Variants in MYH7 observed in about 807,000 individuals in gnomAD.
The protein encoded by MYH7 is myosin heavy chain 7.
A neutral mutation model predicts 225.4 loss-of-function variants in MYH7; 129 were observed. That is an observed-to-expected ratio of 0.57 (90% confidence interval 0.50 to 0.66). The LOEUF is 0.66. Among genes scored for constraint, MYH7 ranks in the 30% least tolerant of loss-of-function variants. The probability of loss-of-function intolerance (pLI) is 0.00; values close to 1 mark genes in which losing one functional copy is unlikely to be tolerated. For synonymous variants in MYH7, 971 were observed against 1,007.6 expected (o/e 0.96, Z 0.69); for missense variants, 1,649 against 2,517.0 (o/e 0.66, Z 7.38).
At chr14:23,435,533 G>T (rs1346619930) in intron 1 of MYH7, 87 bp downstream of exon 1, 1 of 152,252 alleles carries the variant, frequency 6.6e-6, no homozygotes, top group Non-Finnish European at 1.5e-5. Context: ...ATGAAGTCCT[G>T]CATGAAGCTT....
In MYH7 at chr14:23,425,809, G is replaced by T. The variant is rs752943580; in HGVS notation, c.2172C>A (p.Ile724=). The T allele has an allele frequency of 4.3e-6, 7 of 1,613,852 alleles. No homozygotes were observed. The highest frequency in any genetic ancestry group is 5.9e-6 in the Non-Finnish European group (7 of 1,179,874). Reference sequence around the variant, plus strand: ...CCTCAGGGATGGCCGCTGGGTTCAGGATGCGATACCTGAGGAGGGAAGTGT... The same window carrying T: ...CCTCAGGGATGGCCGCTGGGTTCAGTATGCGATACCTGAGGAGGGAAGTGT... ...LYGDFRQRYR[I]LNPAAIPEGQ... is the part of the protein sequence containing the mutation. The change falls in exon 20 of 40, where the codon ATC becomes ATA. Residue 724 remains isoleucine (I), a synonymous_variant. Transcript: ENST00000355349. The surrounding 1 kb of genome is among the most constrained non-coding windows in gnomAD (Gnocchi z 4.6).
intron 26 of MYH7, 139 bp downstream of exon 26, chr14:23,420,819 C>T: frequency 2.8e-6 from 2 of 715,390 alleles, no homozygotes; most frequent in East Asian, 5.3e-5. Context: ...CATGGGCACA[C>T]TGTGATAGCT....
At position 23,425,936 on chromosome 14, in the gene MYH7, A is replaced by G. The variant is rs760841859; in HGVS notation, c.2162+28T>C. The G allele has an allele frequency of 1.2e-6, 2 of 1,613,084 alleles. No homozygotes were observed. The highest frequency in any genetic ancestry group is 1.7e-6 in the Non-Finnish European group (2 of 1,180,024). ...AGGGCAGCCTGGCTCCCCCTGTTCT[A>G]TGAGCTCTGGTGCACCCTCATACCC... On this transcript the variant is annotated intron_variant, in intron 19 of 39. Coordinates refer to ENST00000355349, the MANE Select transcript of MYH7 (RefSeq NM_000257.4). The surrounding 1 kb of genome is among the most constrained non-coding windows in gnomAD (Gnocchi z 4.6).
In MYH7 at chr14:23,412,825, A is replaced by G; in HGVS notation, c.*29T>C. The stretch of plus-strand genomic sequence containing the variant: ...AGCATGGGGCTTTGCTGGCACCTCC[A>G]GGGCTGAGCAGATCAAGATGTGGCA... On this transcript the variant is annotated 3_prime_UTR_variant, in exon 40 of 40. Transcript: ENST00000355349. 1 of 1,613,834 alleles carries G rather than the reference A, an allele frequency of 6.2e-7. No homozygotes were observed. Among genetic ancestry groups the G allele is most frequent in the Non-Finnish European group, 8.5e-7 (1 of 1,179,776 alleles).
In MYH7 at chr14:23,416,868, C is replaced by T; in HGVS notation, c.4644G>A (p.Glu1548=). The part of the protein sequence containing the change: ...MELQSALEEA[E]ASLEHEEGKI... ...CCCCGTGCCCTGCACACACACACAC[C>T]TCGGCCTCCTCCAGGGCTGACTGCA... Residue 1548 remains glutamate, a splice_region_variant and synonymous_variant, in exon 33 of 40, where the codon GAG becomes GAA. Transcript: ENST00000355349. The T allele has an allele frequency of 6.2e-7, 1 of 1,614,118 alleles. No individual in the cohort carries two copies. Among genetic ancestry groups the T allele is most frequent in the Admixed American group, 1.7e-5 (1 of 60,034 alleles).
Position 23,431,869 on chromosome 14 carries a change from G to C in MYH7, c.531C>G (p.Thr177=), listed in dbSNP as rs200035152. 1.9e-6 allele frequency: 3 copies of C among 1,613,942 alleles called. No individual in the cohort carries two copies. Among genetic ancestry groups the C allele is most frequent in the Non-Finnish European group, 2.5e-6 (3 of 1,179,744 alleles). The part of the protein sequence containing the change: ...TDRENQSILI[T]GESGAGKTVN... ...CTGTCTTCCCTGCTCCGGATTCTCC[G>C]CTGTGAAGACAGGGGCTTATTGGGC... Residue 177 remains threonine (T), a splice_region_variant and synonymous_variant, in exon 7 of 40, where the codon ACC becomes ACG. Transcript: ENST00000355349.
rs775113608 is a variant in MYH7, at chr14:23,425,302, G to A, written c.2403C>T (p.Tyr801=). ...CTCACCTACGTTCCAGCAGCTTTTT[G>A]TACTCCATTCTGGCGAGCACACCTC... ...QSRGVLARME[Y]KKLLERRDSL... The change falls in exon 21 of 40, where the codon TAC becomes TAT. Residue 801 remains tyrosine (Y), a synonymous_variant. Transcript: ENST00000355349. This position sits in a 1 kb window ranked among gnomAD's most constrained non-coding sequence, Gnocchi z 4.6. 2 of 1,614,136 alleles carry A rather than the reference G, an allele frequency of 1.2e-6. No homozygotes were observed. Among genetic ancestry groups the A allele is most frequent in the Non-Finnish European group, 1.7e-6 (2 of 1,180,024 alleles).
chr14:23,414,078 G>C lies in MYH7; in HGVS notation c.5584C>G (p.Leu1862Val). 1 of 1,613,662 alleles carries C rather than the reference G, an allele frequency of 6.2e-7. No homozygotes were observed. Among genetic ancestry groups the C allele is most frequent in the Non-Finnish European group, 8.5e-7 (1 of 1,180,024 alleles). Reference protein sequence around the residue: ...YQTEEDRKNLLRLQDLVDKLQ... With the variant: ...YQTEEDRKNLVRLQDLVDKLQ... ...TTGTCTACCAGGTCCTGCAGCCGCA[G>C]CAGGTTTTTCCTGTCCTCCTCCGTC... Residue 1862 changes from leucine (L) to valine (V), a missense_variant, in exon 38 of 40, where the codon CTG becomes GTG. By Grantham distance (32) the Leu-to-Val change is conservative (BLOSUM62 1). Around this residue, in one of 12 missense-constraint regions of MYH7, gnomAD observed 687 missense variants for 913.8 expected, o/e 0.75. Transcript: ENST00000355349.
In MYH7 at chr14:23,415,713, C is replaced by G; in HGVS notation, c.5073G>C (p.Val1691=). 6.2e-7 allele frequency: 1 copy of G among 1,614,202 alleles called. No individual in the cohort carries two copies. Residue 1691 remains valine (V), a synonymous_variant, in exon 35 of 40, where the codon GTG becomes GTC. Transcript: ENST00000355349. This position sits in a 1 kb window ranked among gnomAD's most constrained non-coding sequence, Gnocchi z 6.3. ...LQAELEELRA[V]VEQTERSRKL... ...TCCGGGACCGCTCTGTCTGCTCCAC[C>G]ACGGCACGCAACTCCTCCAGCTCAG...
In MYH7 at chr14:23,425,594, C is replaced by T; in HGVS notation, c.2286+101G>A. On this transcript the variant is annotated intron_variant, in intron 20 of 39. Transcript: ENST00000355349. This position sits in a 1 kb window ranked among gnomAD's most constrained non-coding sequence, Gnocchi z 4.6. ...ATGTTCCACTGGGAGGGGTAGCATA[C>T]AGGTAAGAGATTTTGCTAAGATGAT... 6.3e-7 allele frequency: 1 copy of T among 1,599,358 alleles called. No homozygotes were observed. The highest frequency in any genetic ancestry group is 1.1e-5 in the South Asian group (1 of 90,384).
At chr14:23,421,179 G>GC in intron 25 of MYH7, 131 bp from the exon 26 acceptor site, 1 of 721,464 alleles carries the variant, frequency 1.4e-6, no homozygotes, top group East Asian at 2.7e-5. Context: ...TGGGGGTGAT[G>GC]TAGGATCCCT....
At chr14:23,414,618 G>A (rs1892108378) in intron 37 of MYH7, among the ~76,000 whole-genome samples, 1 of 152,318 alleles carries the variant, frequency 6.6e-6, no homozygotes, top group Admixed American at 6.5e-5. Context: ...AGTCCACACT[G>A]CCCTGGGCAA....
At position 23,420,245 on chromosome 14, in the gene MYH7, A is replaced by G; in HGVS notation, c.3337-11T>C. 1 of 1,610,428 alleles carries G rather than the reference A, an allele frequency of 6.2e-7. No homozygotes were observed. Among genetic ancestry groups the G allele is most frequent in the South Asian group, 1.1e-5 (1 of 90,770 alleles). On this transcript the variant is annotated splice_polypyrimidine_tract_variant and intron_variant, in intron 26 of 39. Transcript: ENST00000355349. ...CTCCTCGATGCGTGCCTGGTCAGACACAAAGGGCTCAGACCCACCGCCTGG... is the reference window on the plus strand; with the variant it reads ...CTCCTCGATGCGTGCCTGGTCAGACGCAAAGGGCTCAGACCCACCGCCTGG...
At chr14:23,431,717 C>T in intron 7 of MYH7, 40 bp from the exon 8 acceptor site, 1 of 1,614,146 alleles carries the variant, frequency 6.2e-7, no homozygotes, top group Non-Finnish European at 8.5e-7. Context: ...AGCTCTTCTC[C>T]CTCCCTTTCT....
rs1893056235 is a variant in MYH7 at position 23,433,998 on chromosome 14, G to A, written c.-9+196C>T. Among the ~76,000 whole-genome samples, 1 of 152,204 alleles carries A rather than the reference G, an allele frequency of 6.6e-6. No homozygotes were observed. The highest frequency in any genetic ancestry group is 2.1e-4 in the South Asian group (1 of 4,834). The stretch of plus-strand genomic sequence containing the variant: ...GAAGGAAGAGCATTCTGAGCTCCCT[G>A]TAGGAGCAGAAATCTAACTATTTCC... On this transcript the variant is annotated intron_variant, in intron 2 of 39. Transcript: ENST00000355349. This position sits in a 1 kb window ranked among gnomAD's most constrained non-coding sequence, Gnocchi z 4.1.
rs45547736 is a variant in MYH7 at position 23,433,474 on chromosome 14, C to G, written c.201+58G>C. On this transcript the variant is annotated intron_variant, in intron 3 of 39. Transcript: ENST00000355349. The surrounding 1 kb of genome is among the most constrained non-coding windows in gnomAD (Gnocchi z 4.1). ...GCATGGGGCATGGGTGTACCCCTCT[C>G]TGTCCACCCAGGTGTACAGGTGGCC... The G allele has an allele frequency of 6.4e-7, 1 of 1,567,772 alleles. No individual in the cohort carries two copies. Among genetic ancestry groups the G allele is most frequent in the Non-Finnish European group, 8.8e-7 (1 of 1,142,206 alleles).
chr14:23,434,345 C>G (rs1431486777), intron 1 of MYH7, 96 bp from the exon 2 acceptor site: 1 of 859,850 alleles, frequency 1.2e-6, no homozygotes, highest in Non-Finnish European at 1.4e-6. Flanking sequence ...TCAGCATCCA[C>G]CCTCTTCCAA....
In MYH7 at chr14:23,429,914, C is replaced by T. The variant is rs113392527; in HGVS notation, c.1000-1G>A. ...TGAAGCCCAGCACATCAAAAGCGTT[C>T]TGTAGGGAGGCCCCATATTGGCGGA... On this transcript the variant is annotated splice_acceptor_variant, in intron 11 of 39. Coordinates refer to ENST00000355349, the MANE Select transcript of MYH7 (RefSeq NM_000257.4). LOFTEE classifies it high-confidence loss of function. 1.2e-6 allele frequency: 2 copies of T among 1,613,906 alleles called. No homozygotes were observed. Among genetic ancestry groups the T allele is most frequent in the Non-Finnish European group, 1.7e-6 (2 of 1,180,026 alleles).
In MYH7 at chr14:23,427,238, A is replaced by C. The variant is rs606231329; in HGVS notation, c.1956+2T>G. 1 of 1,613,604 alleles carries C rather than the reference A, an allele frequency of 6.2e-7. No homozygotes were observed. The highest frequency in any genetic ancestry group is 8.5e-7 in the Non-Finnish European group (1 of 1,179,994). On this transcript the variant is annotated splice_donor_variant, in intron 17 of 39. Coordinates refer to ENST00000355349, the MANE Select transcript of MYH7 (RefSeq NM_000257.4). LOFTEE classifies it high-confidence loss of function. Reference sequence around the variant, plus strand: ...AGTTGGCTGGGGCTGTGTCCCACTCACCCTGTGCAGAGCTGACACAGTCTG... The same window carrying C: ...AGTTGGCTGGGGCTGTGTCCCACTCCCCCTGTGCAGAGCTGACACAGTCTG...
Sources: allele counts gnomAD v4.1 joint callset (sites outside exome capture counted in the v4.1 genomes callset), GRCh38; gene constraint gnomAD v4.1.1; regional missense constraint gnomAD v4.1.1; non-coding constraint Gnocchi (gnomAD v3.1); transcripts MANE v1.5; gene names NCBI Gene and HGNC (gene_info 2026-07-23, HGNC 2026-07-21).